ZNF608: variants seen among roughly 807,000 people sequenced by gnomAD.
The protein encoded by ZNF608 is zinc finger protein 608, also known as renal carcinoma antigen NY-REN-36.
In ZNF608, 12 loss-of-function variants were observed where a neutral mutation model predicts 109.0. That is an observed-to-expected ratio of 0.11 (90% confidence interval 0.07 to 0.18). ZNF608 has a LOEUF of 0.18. Among genes scored for constraint, ZNF608 ranks in the 10% least tolerant of loss-of-function variants. The pLI is 1.00. For missense variants in ZNF608, 1,707 were observed against 1,879.3 expected, an observed-to-expected ratio of 0.91 and a Z score of 1.70; for synonymous variants, 732 against 717.4, an observed-to-expected ratio of 1.02 and a Z score of -0.33.
chr5:124,740,315 G>A (rs944101861), intron 2 of ZNF608, among the ~76,000 whole-genome samples: 2 of 152,116 alleles, frequency 1.3e-5, no homozygotes, highest in Admixed American at 6.6e-5. Context: ...TAAGGAGCTG[G>A]ATCAATGCTG....
rs1749225813 is a variant in ZNF608 at position 124,738,032 on chromosome 5, G to A, written c.906+6052C>T. Among the ~76,000 whole-genome samples the A allele has an allele frequency of 1.3e-5, 2 of 152,106 alleles. 1 individual carries two copies. Among genetic ancestry groups the A allele is most frequent in the South Asian group, 4.1e-4 (2 of 4,830 alleles). On this transcript the variant is annotated intron_variant, in intron 2 of 9. Coordinates refer to ENST00000513986, the MANE Select transcript of ZNF608 (RefSeq NM_020747.3). ...AAACCAACAGTGAACATTTTTTAAA[G>A]AATAAAACCCATACTAACTAAATAC...
chr5:124,745,134 T>C lies in ZNF608; in HGVS notation c.-145A>G. On this transcript the variant is annotated 5_prime_UTR_variant, in exon 2 of 10. Transcript: ENST00000513986. ...TTCTTTTTCCTGCCCCACGAATGTG[T>C]CCAGGGATTTTACACCCTCAGTCCA... 6.9e-7 allele frequency: 1 copy of C among 1,439,152 alleles called. No homozygotes were observed. Among genetic ancestry groups the C allele is most frequent in the East Asian group, 2.5e-5 (1 of 40,020 alleles). 89.1% of individuals were successfully genotyped at this position (1,439,152 alleles called of 1,614,324 possible). A position where few individuals can be genotyped will look rare whatever the true frequency, so the allele number is the denominator to read the frequency against.
chr5:124,672,472 C>T (rs1458351165), intron 3 of ZNF608, among the ~76,000 whole-genome samples: 2 of 152,178 alleles, frequency 1.3e-5, no homozygotes, highest in Non-Finnish European at 2.9e-5. Context: ...AACAGGAAAA[C>T]TGTCTCCTGA....
chr5:124,650,829 C>T (rs1222950385), intron 3 of ZNF608, among the ~76,000 whole-genome samples: 1 of 152,246 alleles, frequency 6.6e-6, no homozygotes, highest in Admixed American at 6.5e-5. Context: ...AGTTTGCTCA[C>T]TTGCATTACC....
intron 2 of ZNF608, among the ~76,000 whole-genome samples, chr5:124,711,288 A>G (rs1211565648): frequency 6.6e-6 from 1 of 152,234 alleles, no homozygotes; most frequent in Non-Finnish European, 1.5e-5. Context: ...CAGAAATTTT[A>G]TACATATAGA....
intron 2 of ZNF608, among the ~76,000 whole-genome samples, chr5:124,729,778 AG>A (rs1254364254): frequency 6.6e-6 from 1 of 152,186 alleles, no homozygotes; most frequent in Admixed American, 6.5e-5. Context: ...AAATCTTTCC[AG>A]TTTTTACAAT....
rs1481405962 is a variant in ZNF608, at chr5:124,643,540, C to T, written c.4267G>A (p.Ala1423Thr). The T allele has an allele frequency of 6.2e-7, 1 of 1,614,072 alleles. No individual in the cohort carries two copies. Among genetic ancestry groups the T allele is most frequent in the Non-Finnish European group, 8.5e-7 (1 of 1,180,032 alleles). The change falls in exon 7 of 10, where the codon GCT becomes ACT. Residue 1423 changes from alanine (A) to threonine (T), a missense_variant. Transcript: ENST00000513986. ...GGAGACTTGCTGCGGTATTGGTTAGCATGCTGCTGGAGCAAATCCAGTGCT... is the reference window on the plus strand; with the variant it reads ...GGAGACTTGCTGCGGTATTGGTTAGTATGCTGCTGGAGCAAATCCAGTGCT... The part of the protein sequence containing the change: ...SKALDLLQQH[A>T]NQYRSKSPAP...
chr5:124,661,908 T>G (rs998289801), intron 3 of ZNF608, among the ~76,000 whole-genome samples: 2 of 152,168 alleles, frequency 1.3e-5, no homozygotes, highest in Admixed American at 6.5e-5. Context: ...ACCTAACATT[T>G]CTCTCCATGT....
chr5:124,724,391 T>TA (rs1166817507), intron 2 of ZNF608, among the ~76,000 whole-genome samples: 9 of 143,160 alleles, frequency 6.3e-5, no homozygotes, highest in East Asian at 4.1e-4. Flanking sequence ...TTTTTTAATT[T>TA]AAAAAAAATA....
chr5:124,653,964 TAGA>T (rs1750901750), intron 3 of ZNF608, among the ~76,000 whole-genome samples: 1 of 152,178 alleles, frequency 6.6e-6, no homozygotes, highest in African/African-American at 2.4e-5. Flanking sequence ...TCATCACTGA[TAGA>T]AGATTTCACC....
At chr5:124,685,638 A>G (rs1030157760) in intron 3 of ZNF608, among the ~76,000 whole-genome samples, 42 of 151,700 alleles carry the variant, frequency 2.8e-4, no homozygotes, top group Admixed American at 1.2e-3. Context: ...AAAAACAACA[A>G]CAGCAACTTA....
At chr5:124,700,537 C>G (rs1356970692) in intron 3 of ZNF608, among the ~76,000 whole-genome samples, 1 of 152,210 alleles carries the variant, frequency 6.6e-6, no homozygotes, top group Non-Finnish European at 1.5e-5. Context: ...CTCATTACTT[C>G]TGAGCACCAG....
chr5:124,736,417 A>G (rs1297108880), intron 2 of ZNF608, among the ~76,000 whole-genome samples: 1 of 152,208 alleles, frequency 6.6e-6, no homozygotes, highest in Non-Finnish European at 1.5e-5. Flanking sequence ...CCAGAAGTAA[A>G]CTGGTCTGGC....
In ZNF608 at chr5:124,746,530, T is replaced by C. The variant is rs1749648087; in HGVS notation, c.-519A>G. The C allele has an allele frequency of 1.0e-6, 1 of 985,292 alleles. No homozygotes were observed. The highest frequency in any genetic ancestry group is 6.1e-5 in the Admixed American group (1 of 16,264). The allele number at this position is 985,292 out of a possible 1,614,324, so 61.0% of individuals were successfully genotyped here. A position where few individuals can be genotyped will look rare whatever the true frequency, so the allele number is the denominator to read the frequency against. ...ATAGTTTTTTAAAAAACAGAGAGTT[T>C]AGAGAAAAAAGTTTTCCCAACTTCT... On this transcript the variant is annotated 5_prime_UTR_variant, in exon 1 of 10. It removes the in-frame stop codon of an upstream open reading frame in the 5' UTR. Coordinates refer to ENST00000513986, the MANE Select transcript of ZNF608 (RefSeq NM_020747.3).
intron 3 of ZNF608, among the ~76,000 whole-genome samples, chr5:124,678,045 G>T (rs1752028982): frequency 6.6e-6 from 1 of 152,070 alleles, no homozygotes; most frequent in Non-Finnish European, 1.5e-5. Flanking sequence ...GCCTTACATG[G>T]CTTTTGGCAG....
At chr5:124,674,097 A>T (rs1751839419) in intron 3 of ZNF608, among the ~76,000 whole-genome samples, 1 of 152,208 alleles carries the variant, frequency 6.6e-6, no homozygotes, top group South Asian at 2.1e-4. Context: ...CATAAAAATC[A>T]TCGTGGAGCT....
At chr5:124,728,550 C>A (rs989857130) in intron 2 of ZNF608, among the ~76,000 whole-genome samples, 4 of 152,152 alleles carry the variant, frequency 2.6e-5, no homozygotes, top group African/African-American at 7.2e-5. Flanking sequence ...AAATCACTAT[C>A]CCAACATGTC....
In ZNF608 at chr5:124,709,373, C is replaced by A. The variant is rs531293126; in HGVS notation, c.907-8104G>T. ...GACTATTTTTAACTTCATTCTCTAG[C>A]CATGACAGTTTTCAAAGCAAAACAG... On this transcript the variant is annotated intron_variant, in intron 2 of 9. Coordinates refer to ENST00000513986, the MANE Select transcript of ZNF608 (RefSeq NM_020747.3). Among the ~76,000 whole-genome samples, 6 of 152,066 alleles carry A rather than the reference C, an allele frequency of 3.9e-5. No individual in the cohort carries two copies. The South Asian group carries it at 1.2e-3, about 32-fold the overall frequency.
intron 7 of ZNF608, among the ~76,000 whole-genome samples, chr5:124,642,943 C>T (rs868774613): frequency 6.6e-6 from 1 of 151,834 alleles, no homozygotes; most frequent in Non-Finnish European, 1.5e-5. Context: ...GTGATCTGCC[C>T]GCCTCGGCCT....
Sources: gnomAD v4.1 joint callset for allele counts (sites outside exome capture counted in the v4.1 genomes callset) on GRCh38, gnomAD v4.1.1 for gene constraint, MANE v1.5 for transcripts, NCBI Gene and HGNC (gene_info 2026-07-23, HGNC 2026-07-21) for gene names.